ANKRD45: variants seen among roughly 807,000 people sequenced by gnomAD.
The protein encoded by ANKRD45 is ankyrin repeat domain-containing protein 45.
ANKRD45 carries 21 observed loss-of-function variants against 28.1 expected under a neutral mutation model. The ratio of observed to expected loss-of-function variants is 0.75; its 90% CI spans 0.53 to 1.08. The LOEUF (loss-of-function observed/expected upper bound fraction) is 1.08. Ranked by LOEUF, ANKRD45 falls within the 50% of genes least tolerant of loss-of-function variation. The pLI is 0.00. For synonymous variants in ANKRD45, 86 were observed against 103.9 expected, an observed-to-expected ratio of 0.83 and a Z score of 1.05; for missense variants, 261 against 308.7, an observed-to-expected ratio of 0.85 and a Z score of 1.16.
intron 3 of ANKRD45, among the ~76,000 whole-genome samples, chr1:173,639,525 C>T (rs567231704): frequency 1.7e-4 from 26 of 152,332 alleles, no homozygotes; most frequent in South Asian, 8.3e-4. Context: ...GAGATGTTAT[C>T]CAAACCTCTC....
chr1:173,612,382 A>T (rs755038008), intron 5 of ANKRD45, among the ~76,000 whole-genome samples: 4 of 149,636 alleles, frequency 2.7e-5, no homozygotes, highest in Non-Finnish European at 5.9e-5. Context: ...CCCTTTAATG[A>T]CCAGGAAAAG....
chr1:173,678,227 T>C, the ANKRD45 span, among the ~76,000 whole-genome samples: 1 of 152,134 alleles, frequency 6.6e-6, no homozygotes, highest in Non-Finnish European at 1.5e-5. Context: ...ATGAGCATCA[T>C]CCTGATACAA....
At chr1:173,685,360 C>T in the ANKRD45 span, among the ~76,000 whole-genome samples, 2 of 152,246 alleles carry the variant, frequency 1.3e-5, no homozygotes, top group East Asian at 3.9e-4. Context: ...CACAGGGTGC[C>T]GGACTTCAGG....
intron 5 of ANKRD45, among the ~76,000 whole-genome samples, chr1:173,616,218 C>T (rs1359448832): frequency 1.3e-5 from 2 of 151,900 alleles, no homozygotes; most frequent in Non-Finnish European, 2.9e-5. Context: ...AATATTATGC[C>T]AAGTGAGAGA....
At chr1:173,620,606 G>C (rs1476278311) in intron 5 of ANKRD45, among the ~76,000 whole-genome samples, 1 of 152,116 alleles carries the variant, frequency 6.6e-6, no homozygotes, top group Non-Finnish European at 1.5e-5. Flanking sequence ...GTTGTGGGTT[G>C]GGGGGAGGGA....
chr1:173,644,680 T>G (rs1418536759), intron 3 of ANKRD45, among the ~76,000 whole-genome samples: 1 of 152,098 alleles, frequency 6.6e-6, no homozygotes, highest in African/African-American at 2.4e-5. Context: ...TATGGGTCAT[T>G]TTTCAAAAAT....
chr1:173,669,591 T>G (rs1213002752), intron 1 of ANKRD45: 6 of 429,356 alleles, frequency 1.4e-5, no homozygotes, highest in Non-Finnish European at 2.8e-5. Flanking sequence ...GAGTTTGCTC[T>G]TCGGCCTGAA....
the ANKRD45 span, among the ~76,000 whole-genome samples, chr1:173,689,321 T>C: frequency 2.6e-5 from 4 of 152,156 alleles, no homozygotes; most frequent in Non-Finnish European, 5.9e-5. Flanking sequence ...TAAAAGAGGG[T>C]TCGGACCCTT....
chr1:173,666,209 A>G (rs940630501), intron 1 of ANKRD45, among the ~76,000 whole-genome samples: 3 of 152,196 alleles, frequency 2.0e-5, no homozygotes, highest in South Asian at 2.1e-4. Flanking sequence ...TAGAACTTAT[A>G]CTATCAGCTT....
chr1:173,704,202 T>TA, the ANKRD45 span, among the ~76,000 whole-genome samples: 2 of 152,116 alleles, frequency 1.3e-5, no homozygotes, highest in Non-Finnish European at 2.9e-5. Flanking sequence ...ATTTGGGAAT[T>TA]AAAGATTTGG....
the ANKRD45 span, among the ~76,000 whole-genome samples, chr1:173,678,168 C>T: frequency 1.8e-4 from 28 of 152,298 alleles, no homozygotes; most frequent in South Asian, 5.6e-3. Context: ...ACCATTCCTT[C>T]TGAAACTATT....
chr1:173,619,140 C>T (rs1461973893), intron 5 of ANKRD45, among the ~76,000 whole-genome samples: 1 of 152,152 alleles, frequency 6.6e-6, no homozygotes, highest in Non-Finnish European at 1.5e-5. Context: ...GAAGGGAGCA[C>T]TAAATATGGG....
chr1:173,639,935 A>C (rs1281351924), intron 3 of ANKRD45, among the ~76,000 whole-genome samples: 1 of 152,204 alleles, frequency 6.6e-6, no homozygotes, highest in Admixed American at 6.5e-5. Flanking sequence ...AAGCTATCCC[A>C]GGTTTTAAAC....
At chr1:173,671,881 CAAA>C (rs1174957908), upstream of ANKRD45, among the ~76,000 whole-genome samples, 7 of 92,694 alleles carry the variant, frequency 7.6e-5, no homozygotes, top group Non-Finnish European at 4.6e-5. Context: ...GACTCCGTCT[CAAA>C]AAAAAAAAAA....
At chr1:173,666,235 C>T (rs1044675042) in intron 1 of ANKRD45, among the ~76,000 whole-genome samples, 35 of 152,110 alleles carry the variant, frequency 2.3e-4, no homozygotes, top group African/African-American at 8.4e-4. Flanking sequence ...TTTCTCAGGC[C>T]CTCAGACCTG....
At chr1:173,633,664 G>C (rs1416319525) in intron 3 of ANKRD45, among the ~76,000 whole-genome samples, 1 of 151,936 alleles carries the variant, frequency 6.6e-6, no homozygotes, top group Non-Finnish European at 1.5e-5. Flanking sequence ...TAGACCAATG[G>C]AACAGAATGG....
chr1:173,668,878 C>T (rs190148275), intron 1 of ANKRD45, among the ~76,000 whole-genome samples: 33 of 152,282 alleles, frequency 2.2e-4, no homozygotes, highest in African/African-American at 7.9e-4. Flanking sequence ...AAGGCTGGAA[C>T]TATGAAGGCA....
intron 1 of ANKRD45, chr1:173,667,679 C>A: frequency 2.4e-6 from 1 of 418,070 alleles, no homozygotes; most frequent in Admixed American, 2.9e-5. Context: ...GCACTCCAGC[C>A]TGGCACAACA....
At chr1:173,679,328 G>A in the ANKRD45 span, among the ~76,000 whole-genome samples, 3 of 152,172 alleles carry the variant, frequency 2.0e-5, no homozygotes, top group East Asian at 1.9e-4. Flanking sequence ...AAAACAGCAT[G>A]GTACTGGTAC....
Sources: allele counts gnomAD v4.1 joint callset (sites outside exome capture counted in the v4.1 genomes callset), GRCh38; gene constraint gnomAD v4.1.1; transcripts MANE v1.5; gene names NCBI Gene and HGNC (gene_info 2026-07-23, HGNC 2026-07-21).